Variants in EP400 observed in about 807,000 individuals in gnomAD.
The protein encoded by EP400 is E1A binding protein p400, also known as E1A-binding protein p400.
A neutral mutation model predicts 354.1 loss-of-function variants in EP400; 105 were observed. The observed-to-expected ratio is 0.30, with a 90% confidence interval of 0.25 to 0.35. The LOEUF is 0.35. Ranked by LOEUF, EP400 falls within the 10% of genes least tolerant of loss-of-function variation. The probability of loss-of-function intolerance (pLI) is 1.00; values close to 1 mark genes in which losing one functional copy is unlikely to be tolerated. For synonymous variants in EP400, 1,646 were observed against 1,716.9 expected, an observed-to-expected ratio of 0.96 and a Z score of 1.02; for missense variants, 3,280 against 4,121.0, an observed-to-expected ratio of 0.80 and a Z score of 5.59.
rs572941761 is a variant in EP400 at position 131,990,586 on chromosome 12, T to G, written c.2551-50T>G. On this transcript the variant is annotated intron_variant, in intron 8 of 52. Coordinates refer to ENST00000389561, the MANE Select transcript of EP400 (RefSeq NM_015409.5). This position sits in a 1 kb window ranked among gnomAD's most constrained non-coding sequence, Gnocchi z 4.2. ...TAGTGTTTTGTATGCAGAACGTCTG[T>G]AATTCCCATCCTTAGTAATGTGCTT... is the stretch of plus-strand genomic sequence containing the variant. The G allele has an allele frequency of 7.2e-7, 1 of 1,385,692 alleles. No individual in the cohort carries two copies. The highest frequency in any genetic ancestry group is 1.0e-6 in the Non-Finnish European group (1 of 988,440). 85.8% of individuals were successfully genotyped at this position (1,385,692 alleles called of 1,614,324 possible). A position where few individuals can be genotyped will look rare whatever the true frequency, so the allele number is the denominator to read the frequency against.
In EP400 at chr12:132,013,672, G is replaced by A; in HGVS notation, c.3786+8G>A. On this transcript the variant is annotated splice_region_variant and intron_variant, in intron 18 of 52. Transcript: ENST00000389561. This position sits in a 1 kb window ranked among gnomAD's most constrained non-coding sequence, Gnocchi z 4.5. ...GTCATAAGGTTACACAGGGTAGGTT[G>A]GGTTCTGCCATTTCAGTTAATTAAT... 1 of 1,606,318 alleles carries A rather than the reference G, an allele frequency of 6.2e-7. No individual in the cohort carries two copies. Among genetic ancestry groups the A allele is most frequent in the Non-Finnish European group, 8.5e-7 (1 of 1,175,292 alleles).
chr12:131,970,710 A>G (rs1892259652), intron 2 of EP400, among the ~76,000 whole-genome samples: 1 of 152,180 alleles, frequency 6.6e-6, no homozygotes, highest in African/African-American at 2.4e-5. Context: ...CTGTGAGGAA[A>G]CTTTTTTTTC....
intron 51 of EP400, among the ~76,000 whole-genome samples, chr12:132,072,142 C>G (rs943270010): frequency 6.6e-6 from 1 of 152,222 alleles, no homozygotes; most frequent in Non-Finnish European, 1.5e-5. Context: ...AGGTCTGTTT[C>G]TGAGACGCGC....
chr12:132,031,044 A>G (rs988145086), intron 29 of EP400, among the ~76,000 whole-genome samples: 1 of 151,614 alleles, frequency 6.6e-6, no homozygotes, highest in East Asian at 1.9e-4. Context: ...TGATTTAACA[A>G]GTTTTCTTGG....
intron 9 of EP400, 142 bp from the exon 10 acceptor site, chr12:131,991,265 G>T: frequency 1.3e-6 from 1 of 754,630 alleles, no homozygotes; most frequent in Non-Finnish European, 2.3e-6. Flanking sequence ...TGCCCTGCGT[G>T]ATGATGATGA....
chr12:132,064,814 G>A lies in EP400; in HGVS notation c.8481G>A (p.Thr2827=), dbSNP rs540150813. 98 of 1,612,566 alleles carry A rather than the reference G, an allele frequency of 6.1e-5. 1 individual carries two copies. The highest frequency in any genetic ancestry group is 3.4e-4 in the South Asian group (31 of 91,056). ...CGCAGCAGCAGAGCCCCCAGCTCACGACGGTCACGGCCCCAAGGCCTGGTG... is the reference window on the plus strand; with the variant it reads ...CGCAGCAGCAGAGCCCCCAGCTCACAACGGTCACGGCCCCAAGGCCTGGTG... ...QPPQQQSPQL[T]TVTAPRPGAL... is the part of the protein sequence containing the mutation. Residue 2827 remains threonine, a synonymous_variant, in exon 48 of 53, where the codon ACG becomes ACA. Coordinates refer to ENST00000389561, the MANE Select transcript of EP400 (RefSeq NM_015409.5).
intron 12 of EP400, among the ~76,000 whole-genome samples, chr12:131,998,062 C>T (rs994305302): frequency 6.6e-6 from 1 of 152,218 alleles, no homozygotes; most frequent in Non-Finnish European, 1.5e-5. Context: ...CCCCACTGAT[C>T]TTAAGTGCCA....
Position 132,050,792 on chromosome 12 carries a change from C to A in EP400, c.7394+137C>A. The A allele has an allele frequency of 9.4e-7, 1 of 1,065,328 alleles. No homozygotes were observed. Among genetic ancestry groups the A allele is most frequent in the Non-Finnish European group, 1.4e-6 (1 of 706,080 alleles). The allele number at this position is 1,065,328 out of a possible 1,614,324, so 66.0% of individuals were successfully genotyped here. A position where few individuals can be genotyped will look rare whatever the true frequency, so the allele number is the denominator to read the frequency against. On this transcript the variant is annotated intron_variant, in intron 41 of 52. Coordinates refer to ENST00000389561, the MANE Select transcript of EP400 (RefSeq NM_015409.5). The surrounding 1 kb of genome is among the most constrained non-coding windows in gnomAD (Gnocchi z 4.8). ...AGCTGGACGTGGCAGTGCGCAGAAC[C>A]TGCAGGAGAGAGGTGCTTTTCCTGC...
intron 32 of EP400, among the ~76,000 whole-genome samples, chr12:132,042,815 A>G (rs922449481): frequency 2.8e-4 from 42 of 152,284 alleles, no homozygotes; most frequent in African/African-American, 9.1e-4. Context: ...TTGTATGTTC[A>G]TAGTCATCCA....
chr12:131,992,310 T>C, intron 11 of EP400, 80 bp downstream of exon 11: 1 of 1,331,708 alleles, frequency 7.5e-7, no homozygotes. Context: ...ACTTGGGGTT[T>C]AGTCTTGTCA....
At chr12:131,959,097 C>T (rs1010064382) in intron 1 of EP400, among the ~76,000 whole-genome samples, 6 of 152,330 alleles carry the variant, frequency 3.9e-5, no homozygotes, top group Admixed American at 1.3e-4. Context: ...TGGAACATTG[C>T]GGAGTGGTGT....
intron 45 of EP400, among the ~76,000 whole-genome samples, chr12:132,059,493 G>A (rs1033335161): frequency 5.9e-5 from 9 of 152,142 alleles, no homozygotes; most frequent in Non-Finnish European, 8.8e-5. Context: ...CATGTTCCTG[G>A]GCAGCTGACC....
rs1044107205 is a variant in EP400, at chr12:132,066,774, A to G, written c.8554A>G (p.Thr2852Ala). The G allele has an allele frequency of 6.2e-7, 1 of 1,613,498 alleles. No homozygotes were observed. Among genetic ancestry groups the G allele is most frequent in the Admixed American group, 1.7e-5 (1 of 59,868 alleles). Reference protein sequence around the residue: ...TVANLQVARLTRVPTSQLQAQ... With the variant: ...TVANLQVARLARVPTSQLQAQ... Reference sequence around the variant, plus strand: ...CTCTCCCATTATTTCTACTGTTTAGACCCGGGTTCCCACTTCTCAGCTGCA... The same window carrying G: ...CTCTCCCATTATTTCTACTGTTTAGGCCCGGGTTCCCACTTCTCAGCTGCA... The change falls in exon 49 of 53, where the codon ACC becomes GCC. Residue 2852 changes from threonine to alanine, a missense_variant and splice_region_variant. Physicochemically the swap from Thr to Ala is moderately conservative, Grantham distance 58. Transcript: ENST00000389561.
Position 132,055,753 on chromosome 12 carries a change from T to G in EP400, c.7884+545T>G, listed in dbSNP as rs552003001. Among the ~76,000 whole-genome samples, 385 of 146,810 alleles carry G rather than the reference T, an allele frequency of 2.6e-3. 4 individuals carry two copies. Among genetic ancestry groups the G allele is most frequent in the African/African-American group, 9.4e-3 (372 of 39,406 alleles). On this transcript the variant is annotated intron_variant, in intron 45 of 52. Coordinates refer to ENST00000389561, the MANE Select transcript of EP400 (RefSeq NM_015409.5). ...GGTGTGTGTGTGAAGTGTAGGAGGG[T>G]ATGTGTGTGTGTGTGTGTGAACTGT...
At chr12:132,063,591 AAAGAC>A (rs1053441495) in intron 47 of EP400, among the ~76,000 whole-genome samples, 1 of 152,234 alleles carries the variant, frequency 6.6e-6, no homozygotes, top group Non-Finnish European at 1.5e-5. Context: ...CATACGGAAT[AAAGAC>A]AAGACAATAT....
intron 30 of EP400, among the ~76,000 whole-genome samples, chr12:132,037,464 T>C (rs1385883236): frequency 6.6e-6 from 1 of 152,172 alleles, no homozygotes; most frequent in Non-Finnish European, 1.5e-5. Context: ...GCGAAGAGTC[T>C]TCCGGAGGGG....
chr12:132,073,514 C>T (rs565071461), intron 51 of EP400, among the ~76,000 whole-genome samples: 8 of 142,028 alleles, frequency 5.6e-5, no homozygotes, highest in South Asian at 4.3e-4. Context: ...AGTGCAGTGG[C>T]GCGATCTTGG....
chr12:131,967,149 G>A (rs1205123359), intron 2 of EP400, among the ~76,000 whole-genome samples: 1 of 151,354 alleles, frequency 6.6e-6, no homozygotes, highest in Non-Finnish European at 1.5e-5. Flanking sequence ...GGAGGCCGAA[G>A]GGGGGCGGAT....
intron 25 of EP400, among the ~76,000 whole-genome samples, chr12:132,026,808 T>C (rs1894322579): frequency 6.6e-6 from 1 of 152,126 alleles, no homozygotes; most frequent in African/African-American, 2.4e-5. Context: ...CTAAGGTGAC[T>C]CTTACCCCTG....
Sources: allele counts gnomAD v4.1 joint callset (sites outside exome capture counted in the v4.1 genomes callset), GRCh38; gene constraint gnomAD v4.1.1; non-coding constraint Gnocchi (gnomAD v3.1); transcripts MANE v1.5; gene names NCBI Gene and HGNC (gene_info 2026-07-23, HGNC 2026-07-21).